Variants in CTNNA3 observed in about 807,000 individuals in gnomAD.
The protein encoded by CTNNA3 is catenin alpha-3.
A neutral mutation model predicts 95.7 loss-of-function variants in CTNNA3; 76 were observed. That is an observed-to-expected ratio of 0.79 (90% CI 0.66 to 0.96). The LOEUF is 0.96. Among genes scored for constraint, CTNNA3 ranks in the 40% least tolerant of loss-of-function variants. CTNNA3 has a pLI of 0.00. For missense variants in CTNNA3, 1,191 were observed against 1,089.8 expected, an observed-to-expected ratio of 1.09 and a Z score of -1.31; for synonymous variants, 431 against 374.4, an observed-to-expected ratio of 1.15 and a Z score of -1.74.
At chr10:66,381,573 T>C (rs1038124599) in intron 11 of CTNNA3, among the ~76,000 whole-genome samples, 4 of 152,122 alleles carry the variant, frequency 2.6e-5, no homozygotes, top group Admixed American at 2.6e-4. Context: ...AATGAATGAA[T>C]GAATGAATGA....
intron 9 of CTNNA3, among the ~76,000 whole-genome samples, chr10:66,714,161 C>T (rs146146010): frequency 6.6e-6 from 1 of 152,200 alleles, no homozygotes; most frequent in African/African-American, 2.4e-5. Flanking sequence ...AGCATATTAA[C>T]TATATTTACC....
chr10:66,135,994 T>C (rs1394923215), intron 13 of CTNNA3, among the ~76,000 whole-genome samples: 7 of 151,846 alleles, frequency 4.6e-5, no homozygotes, highest in Non-Finnish European at 1.0e-4. Context: ...CTCCACCTCC[T>C]GTGTTCATGC....
At chr10:66,551,896 CTTTTT>C (rs141885331) in intron 10 of CTNNA3, among the ~76,000 whole-genome samples, 4 of 113,966 alleles carry the variant, frequency 3.5e-5, no homozygotes, top group African/African-American at 6.4e-5. Flanking sequence ...TTTTCTTTTC[CTTTTT>C]TTTTTTTTTT....
chr10:66,551,467 T>G (rs1842212713), intron 10 of CTNNA3, among the ~76,000 whole-genome samples: 2 of 152,144 alleles, frequency 1.3e-5, no homozygotes, highest in African/African-American at 4.8e-5. Context: ...GTTTGGGGTT[T>G]GCTGAGCTTC....
At chr10:65,991,216 C>G (rs2078538574) in intron 15 of CTNNA3, among the ~76,000 whole-genome samples, 1 of 151,978 alleles carries the variant, frequency 6.6e-6, no homozygotes, top group African/African-American at 2.4e-5. Flanking sequence ...TGTTCTTTTC[C>G]TCAGTATTGC....
chr10:66,180,680 G>A (rs1196714013), intron 13 of CTNNA3, among the ~76,000 whole-genome samples: 2 of 152,098 alleles, frequency 1.3e-5, no homozygotes, highest in Non-Finnish European at 2.9e-5. Flanking sequence ...CCGCAATATG[G>A]CAGTGCTTAT....
At chr10:66,758,477 C>T (rs1302541529) in intron 9 of CTNNA3, among the ~76,000 whole-genome samples, 2 of 152,168 alleles carry the variant, frequency 1.3e-5, no homozygotes, top group Non-Finnish European at 1.5e-5. Flanking sequence ...AGTGCATGAT[C>T]AGGCTGATGA....
intron 1 of CTNNA3, among the ~76,000 whole-genome samples, chr10:67,685,040 G>A (rs976813756): frequency 5.9e-5 from 9 of 152,172 alleles, no homozygotes; most frequent in African/African-American, 1.7e-4. Context: ...TCTAAGCCTC[G>A]GCAGTTTTGG....
At chr10:67,663,573 A>C (rs1589549089) in intron 1 of CTNNA3, among the ~76,000 whole-genome samples, 1 of 151,798 alleles carries the variant, frequency 6.6e-6, no homozygotes, top group Non-Finnish European at 1.5e-5. Flanking sequence ...GCAGGCTGGG[A>C]GGGGCTGCCG....
intron 16 of CTNNA3, among the ~76,000 whole-genome samples, chr10:65,972,904 GAAA>G (rs3052085): frequency 0.056 from 7,781 of 140,100 alleles, 495 homozygotes; most frequent in African/African-American, 0.15. Context: ...TCCTAAGGGG[GAAA>G]AAAAAAAAAA....
At chr10:66,992,705 T>G (rs1016414187) in intron 7 of CTNNA3, among the ~76,000 whole-genome samples, 2 of 152,206 alleles carry the variant, frequency 1.3e-5, no homozygotes, top group African/African-American at 2.4e-5. Context: ...ATTTAAGTCT[T>G]TAATCAATCT....
chr10:67,236,127 G>C lies in CTNNA3; in HGVS notation c.580-16257C>G, dbSNP rs1315051584. Among the ~76,000 whole-genome samples, 874 of 144,180 alleles carry C rather than the reference G, an allele frequency of 6.1e-3. 9 individuals are homozygous for C. Among genetic ancestry groups the C allele is most frequent in the African/African-American group, 0.015 (562 of 36,602 alleles). 94.6% of individuals were successfully genotyped at this position (144,180 alleles called of 152,430 possible). A position where few individuals can be genotyped will look rare whatever the true frequency, so the allele number is the denominator to read the frequency against. Reference sequence around the variant, plus strand: ...GCGATTCCTCAGGGATCTAGAACTAGAAATACCATTTGACCCAGCCATCCC... The same window carrying C: ...GCGATTCCTCAGGGATCTAGAACTACAAATACCATTTGACCCAGCCATCCC... On this transcript the variant is annotated intron_variant, in intron 5 of 17. Transcript: ENST00000433211.
intron 7 of CTNNA3, among the ~76,000 whole-genome samples, chr10:67,162,691 G>A (rs985539897): frequency 1.3e-5 from 2 of 151,510 alleles, no homozygotes; most frequent in Non-Finnish European, 3.0e-5. Flanking sequence ...TGAAAATCGA[G>A]AAATTCAATG....
chr10:66,314,485 T>C (rs1335671593), intron 12 of CTNNA3, among the ~76,000 whole-genome samples: 1 of 152,144 alleles, frequency 6.6e-6, no homozygotes, highest in Non-Finnish European at 1.5e-5. Context: ...CCAATATCAT[T>C]CTTTTTTCCT....
At chr10:67,467,407 A>G (rs193046657) in intron 5 of CTNNA3, among the ~76,000 whole-genome samples, 1 of 152,222 alleles carries the variant, frequency 6.6e-6, no homozygotes, top group African/African-American at 2.4e-5. Context: ...AGTCCTTCAC[A>G]GTTTTCCCTA....
chr10:65,944,463 G>A (rs533081898), intron 17 of CTNNA3, among the ~76,000 whole-genome samples: 7 of 152,200 alleles, frequency 4.6e-5, no homozygotes, highest in Non-Finnish European at 7.3e-5. Flanking sequence ...ACTGAAGATT[G>A]CTCTTCCTTC....
chr10:66,673,061 A>G (rs879276368), intron 9 of CTNNA3, among the ~76,000 whole-genome samples: 66 of 152,246 alleles, frequency 4.3e-4, no homozygotes, highest in South Asian at 6.2e-4. Flanking sequence ...CCACATCAGC[A>G]TGTATTATAA....
chr10:66,865,789 A>G (rs1844150737), intron 7 of CTNNA3, among the ~76,000 whole-genome samples: 1 of 152,088 alleles, frequency 6.6e-6, no homozygotes, highest in Non-Finnish European at 1.5e-5. Flanking sequence ...TAAGGGGAAA[A>G]TTTGACAGTG....
At chr10:67,636,718 T>C (rs1241285426) in intron 2 of CTNNA3, among the ~76,000 whole-genome samples, 1 of 152,146 alleles carries the variant, frequency 6.6e-6, no homozygotes, top group Non-Finnish European at 1.5e-5. Flanking sequence ...ATATTCGCTG[T>C]TCTGCAGACT....
Sources: allele counts gnomAD v4.1 joint callset (sites outside exome capture counted in the v4.1 genomes callset), GRCh38; gene constraint gnomAD v4.1.1; transcripts MANE v1.5; gene names NCBI Gene and HGNC (gene_info 2026-07-23, HGNC 2026-07-21).